FBXO16: variants seen among roughly 807,000 people sequenced by gnomAD.
The protein encoded by FBXO16 is F-box only protein 16.
A neutral mutation model predicts 41.0 loss-of-function variants in FBXO16; 31 were observed. The ratio of observed to expected loss-of-function variants is 0.76; its 90% CI spans 0.57 to 1.02. The LOEUF (loss-of-function observed/expected upper bound fraction) is 1.02, where lower values mean the gene tolerates loss of function less well. FBXO16 is among the 50% of genes least tolerant of loss of function. The pLI is 0.00. For synonymous variants in FBXO16, 133 were observed against 117.8 expected (o/e 1.13, Z -0.84); for missense variants, 361 against 346.2 (o/e 1.04, Z -0.34).
chr8:28,463,175 T>C (rs761990752), intron 4 of FBXO16, among the ~76,000 whole-genome samples: 3 of 152,004 alleles, frequency 2.0e-5, no homozygotes, highest in Non-Finnish European at 2.9e-5. Context: ...TGTGTTTGTG[T>C]GTGTATATGT....
At chr8:28,477,865 A>C (rs1166076692) in intron 2 of FBXO16, among the ~76,000 whole-genome samples, 1 of 152,136 alleles carries the variant, frequency 6.6e-6, no homozygotes, top group African/African-American at 2.4e-5. Context: ...AAAACAAATT[A>C]GCCGGGCATG....
At chr8:28,458,694 A>G (rs2130141724) in intron 4 of FBXO16, among the ~76,000 whole-genome samples, 1 of 152,010 alleles carries the variant, frequency 6.6e-6, no homozygotes, top group Admixed American at 6.5e-5. Context: ...CTGGGATTAC[A>G]GGCATGCGCC....
rs1802883276 is a variant in FBXO16, at chr8:28,447,462, C to A, written c.741-189G>T. 7.3e-6 allele frequency: 4 copies of A among 546,240 alleles called. No homozygotes were observed. The Admixed American group carries it at 9.3e-5, about 13-fold the overall frequency. 33.8% of individuals were successfully genotyped at this position (546,240 alleles called of 1,614,324 possible). A position where few individuals can be genotyped will look rare whatever the true frequency, so the allele number is the denominator to read the frequency against. On this transcript the variant is annotated intron_variant, in intron 6 of 8. Coordinates refer to ENST00000380254, the MANE Select transcript of FBXO16 (RefSeq NM_172366.4). ...TCAACTCCTGCATCTCCACACAATG[C>A]AGTACTATGAGCTGCAAATGGAAAG...
chr8:28,471,993 AG>A (rs1036003902), intron 3 of FBXO16, among the ~76,000 whole-genome samples: 25 of 151,628 alleles, frequency 1.6e-4, no homozygotes, highest in African/African-American at 5.9e-4. Flanking sequence ...TGGAAGTGTC[AG>A]GATCTATAGA....
chr8:28,446,740 T>C (rs1802870390), intron 7 of FBXO16, among the ~76,000 whole-genome samples: 1 of 151,700 alleles, frequency 6.6e-6, no homozygotes, highest in African/African-American at 2.4e-5. Context: ...GGCATGGTGG[T>C]GGCACCTGTA....
intron 2 of FBXO16, among the ~76,000 whole-genome samples, chr8:28,481,779 C>T (rs1007603032): frequency 2.1e-5 from 3 of 144,540 alleles, no homozygotes; most frequent in African/African-American, 7.9e-5. Flanking sequence ...CACTGCACTC[C>T]AGTCTGGTGA....
At chr8:28,435,248 G>A (rs1181318391) in intron 7 of FBXO16, among the ~76,000 whole-genome samples, 1 of 150,618 alleles carries the variant, frequency 6.6e-6, no homozygotes, top group African/African-American at 2.5e-5. Context: ...CTGGCTCACT[G>A]CAACCTCTGC....
intron 7 of FBXO16, among the ~76,000 whole-genome samples, chr8:28,441,844 T>C (rs755171686): frequency 3.2e-4 from 48 of 150,100 alleles, no homozygotes; most frequent in Non-Finnish European, 5.8e-4. Context: ...TTTATATATA[T>C]ATATAATGTG....
At position 28,460,245 on chromosome 8, in the gene FBXO16, A is replaced by ATATTTTTT. The variant is rs1477457728; in HGVS notation, c.343-3316_343-3315insAAAAAATA. On this transcript the variant is annotated intron_variant, in intron 4 of 8. Coordinates refer to ENST00000380254, the MANE Select transcript of FBXO16 (RefSeq NM_172366.4). ...TGTGTGTATATATATATATATATAT[A>ATATTTTTT]TTTTTTTTTTTTTTTTTTTTTGAGA... Among the ~76,000 whole-genome samples, 38 of 85,442 alleles carry ATATTTTTT rather than the reference A, an allele frequency of 4.4e-4. 1 individual carries two copies. The highest frequency in any genetic ancestry group is 2.3e-3 in the African/African-American group (37 of 15,816). 56.1% of individuals were successfully genotyped at this position (85,442 alleles called of 152,430 possible).
chr8:28,450,035 A>C (rs1257760919), intron 6 of FBXO16, among the ~76,000 whole-genome samples: 3 of 152,214 alleles, frequency 2.0e-5, no homozygotes, highest in Admixed American at 2.0e-4. Context: ...GAAGATCAAA[A>C]TTGGGGGACT....
intron 6 of FBXO16, among the ~76,000 whole-genome samples, chr8:28,450,805 G>A (rs957526753): frequency 9.2e-5 from 14 of 152,232 alleles, no homozygotes; most frequent in Middle Eastern, 3.4e-3. Flanking sequence ...AGCCAGGCAC[G>A]GTGGCTCATG....
At chr8:28,455,581 TA>T (rs1365088034) in intron 5 of FBXO16, 18 of 152,230 alleles carry the variant, frequency 1.2e-4, no homozygotes, top group Non-Finnish European at 2.5e-4. Context: ...CTTTTCATTT[TA>T]CTAGTTGGTT....
At chr8:28,442,050 T>A (rs1466074079) in intron 7 of FBXO16, among the ~76,000 whole-genome samples, 1 of 150,294 alleles carries the variant, frequency 6.7e-6, no homozygotes, top group African/African-American at 2.4e-5. Flanking sequence ...TTAAAGCGAT[T>A]CTCCTGCCTC....
chr8:28,483,629 G>T (rs34057858), intron 1 of FBXO16, 167 bp from the exon 2 acceptor site: 119,854 of 538,588 alleles, frequency 0.22, 15,494 homozygotes, highest in Middle Eastern at 0.26. Flanking sequence ...GACCAGCCTG[G>T]CCAACATGGT....
intron 7 of FBXO16, among the ~76,000 whole-genome samples, chr8:28,444,194 C>T (rs1802823918): frequency 6.6e-6 from 1 of 152,102 alleles, no homozygotes; most frequent in African/African-American, 2.4e-5. Flanking sequence ...AACAAATTCA[C>T]TCTATGGCGG....
At chr8:28,474,572 TTC>T (rs1202133479) in intron 2 of FBXO16, among the ~76,000 whole-genome samples, 1 of 152,092 alleles carries the variant, frequency 6.6e-6, no homozygotes, top group Non-Finnish European at 1.5e-5. Context: ...GAATGATCAG[TTC>T]TGTTTTTCTA....
chr8:28,488,987 A>G (rs1268876851), intron 1 of FBXO16, among the ~76,000 whole-genome samples: 2 of 92,728 alleles, frequency 2.2e-5, no homozygotes, highest in African/African-American at 8.5e-5. Context: ...GCTCACCTGA[A>G]TCATCACAGT....
chr8:28,447,407 C>G, intron 6 of FBXO16, 134 bp from the exon 7 acceptor site: 1 of 709,962 alleles, frequency 1.4e-6, no homozygotes, highest in South Asian at 1.8e-5. Context: ...GGAAATAAGC[C>G]AAATGTCTAT....
chr8:28,446,515 A>G (rs1003734858), intron 7 of FBXO16, among the ~76,000 whole-genome samples: 1 of 151,642 alleles, frequency 6.6e-6, no homozygotes, highest in Non-Finnish European at 1.5e-5. Flanking sequence ...ACAGACAGCA[A>G]TTTCTGATAG....
Sources: gnomAD v4.1 joint callset for allele counts (sites outside exome capture counted in the v4.1 genomes callset) on GRCh38, gnomAD v4.1.1 for gene constraint, MANE v1.5 for transcripts, NCBI Gene and HGNC (gene_info 2026-07-23, HGNC 2026-07-21) for gene names.